Variants in SNX30 observed in about 807,000 individuals in gnomAD.
The protein encoded by SNX30 is sorting nexin-30.
SNX30 carries 24 observed loss-of-function variants against 46.4 expected under a neutral mutation model. That is an observed-to-expected ratio of 0.52 (90% CI 0.37 to 0.73). SNX30 has a LOEUF of 0.73. Among genes scored for constraint, SNX30 ranks in the 30% least tolerant of loss-of-function variants. The pLI is 0.00. For missense variants in SNX30, 533 were observed against 555.7 expected, an observed-to-expected ratio of 0.96 and a Z score of 0.41; for synonymous variants, 189 against 211.5, an observed-to-expected ratio of 0.89 and a Z score of 0.92.
chr9:112,809,060 A>ATT (rs1840275263), intron 2 of SNX30, among the ~76,000 whole-genome samples: 1 of 151,244 alleles, frequency 6.6e-6, no homozygotes, highest in Non-Finnish European at 1.5e-5. Flanking sequence ...ATAAATATTA[A>ATT]TAATCTTGCC....
At chr9:112,884,280 C>T (rs528170977), downstream of SNX30, among the ~76,000 whole-genome samples, 131 of 152,314 alleles carry the variant, frequency 8.6e-4, no homozygotes, top group African/African-American at 3.0e-3. Flanking sequence ...CAGCCTCTGC[C>T]CTCTGAGTCC....
Position 112,804,931 on chromosome 9 carries a change from A to G in SNX30, c.312A>G (p.Thr104=), listed in dbSNP as rs1453178192. ...IVDDPKKHVC[T]METYITYRIT... The stretch of plus-strand genomic sequence containing the variant: ...ATGATCCCAAGAAGCATGTGTGTAC[A>G]ATGGAGACTTACATCACCTATAGGA... The change falls in exon 2 of 9, where the codon ACA becomes ACG. Residue 104 remains threonine (T), a synonymous_variant. Coordinates refer to ENST00000374232, the MANE Select transcript of SNX30 (RefSeq NM_001012994.2). 1.2e-6 allele frequency: 2 copies of G among 1,612,584 alleles called. No homozygotes were observed. The highest frequency in any genetic ancestry group is 1.7e-6 in the Non-Finnish European group (2 of 1,179,066).
intron 1 of SNX30, among the ~76,000 whole-genome samples, chr9:112,797,395 T>C (rs1416686734): frequency 6.6e-6 from 1 of 152,210 alleles, no homozygotes; most frequent in Non-Finnish European, 1.5e-5. Context: ...AACCTGCAGG[T>C]ACCAGCTTCA....
chr9:112,750,918 G>T lies in SNX30; in HGVS notation c.-84G>T. The T allele has an allele frequency of 8.9e-7, 1 of 1,129,110 alleles. No individual in the cohort carries two copies. Among genetic ancestry groups the T allele is most frequent in the Non-Finnish European group, 1.1e-6 (1 of 919,310 alleles). 69.9% of individuals were successfully genotyped at this position (1,129,110 alleles called of 1,614,324 possible). A position where few individuals can be genotyped will look rare whatever the true frequency, so the allele number is the denominator to read the frequency against. ...CCTCGGGTTAAGCGGCGGCCGAGCG[G>T]GGCTCGGCCCGGGGTGCTCGGGGAG... is the stretch of plus-strand genomic sequence containing the variant. On this transcript the variant is annotated 5_prime_UTR_variant, in exon 1 of 9. Transcript: ENST00000374232.
chr9:112,846,992 C>A (rs1840948369), intron 6 of SNX30, among the ~76,000 whole-genome samples: 1 of 152,158 alleles, frequency 6.6e-6, no homozygotes, highest in Admixed American at 6.5e-5. Context: ...TTTTTTGGGA[C>A]AAATCCAGTG....
chr9:112,807,867 C>T (rs1840255049), intron 2 of SNX30, among the ~76,000 whole-genome samples: 1 of 152,240 alleles, frequency 6.6e-6, no homozygotes, highest in Non-Finnish European at 1.5e-5. Flanking sequence ...TTCTCTTGGG[C>T]TTGATTTCCT....
chr9:112,850,999 T>A, intron 7 of SNX30, 54 bp downstream of exon 7: 1 of 1,405,076 alleles, frequency 7.1e-7, no homozygotes, highest in Non-Finnish European at 1.0e-6. Flanking sequence ...CTGCTGGTGC[T>A]AAGTAAATTC....
At chr9:112,837,434 C>T (rs1008997016) in intron 5 of SNX30, among the ~76,000 whole-genome samples, 48 of 151,776 alleles carry the variant, frequency 3.2e-4, no homozygotes, top group African/African-American at 1.1e-3. Flanking sequence ...CCTAAAATTC[C>T]ATTGTTTATC....
At chr9:112,810,456 A>G (rs1290352021) in intron 2 of SNX30, among the ~76,000 whole-genome samples, 1 of 152,146 alleles carries the variant, frequency 6.6e-6, no homozygotes, top group African/African-American at 2.4e-5. Context: ...GTTCTGGGCC[A>G]TGGAATGGAT....
In SNX30 at chr9:112,881,246, C is replaced by T. The variant is rs927467538; in HGVS notation, n.3825-182C>T. 3.9e-5 allele frequency among the ~76,000 whole-genome samples: 6 copies of T among 152,168 alleles called. 1 individual carries two copies. Among genetic ancestry groups the T allele is most frequent in the Admixed American group, 1.3e-4 (2 of 15,282 alleles). On this transcript the variant is annotated intron_variant and non_coding_transcript_variant, in intron 5 of 5. Transcript: ENST00000604751. ...AGAATCCTCAGGTTCTAAGCTACAGCGCAGCACTTCTTGATGGATGAACAA... is the reference window on the plus strand; with the variant it reads ...AGAATCCTCAGGTTCTAAGCTACAGTGCAGCACTTCTTGATGGATGAACAA...
chr9:112,882,756 T>C (rs967276467), downstream of SNX30, among the ~76,000 whole-genome samples: 12 of 151,804 alleles, frequency 7.9e-5, no homozygotes, highest in Non-Finnish European at 1.3e-4. Context: ...GATCATGAGA[T>C]TGGAAAGACA....
At chr9:112,763,360 CTTTTTTT>C (rs751720343) in intron 1 of SNX30, among the ~76,000 whole-genome samples, 5 of 47,566 alleles carry the variant, frequency 1.1e-4, no homozygotes, top group South Asian at 1.4e-3. Flanking sequence ...GCTATTTAAA[CTTTTTTT>C]TTTTTTTTTT....
intron 7 of SNX30, among the ~76,000 whole-genome samples, chr9:112,859,920 T>G (rs987903784): frequency 2.0e-5 from 3 of 152,038 alleles, no homozygotes; most frequent in Non-Finnish European, 4.4e-5. Context: ...TGAGCATCTT[T>G]TCATGTCCTT....
Position 112,751,261 on chromosome 9 carries a change from C to T in SNX30, c.156+104C>T. 1.6e-6 allele frequency: 2 copies of T among 1,250,172 alleles called. 1 individual carries two copies. The highest frequency in any genetic ancestry group is 4.6e-5 in the South Asian group (2 of 43,372). The allele number at this position is 1,250,172 out of a possible 1,614,324, so 77.4% of individuals were successfully genotyped here. On this transcript the variant is annotated intron_variant, in intron 1 of 8. Transcript: ENST00000374232. The stretch of plus-strand genomic sequence containing the variant: ...GCCTGGGGCCGCGCCCACCCTGCCG[C>T]CCCTTCCCGGGGGACGGGCGTGTCC...
At chr9:112,808,493 G>A (rs1245443678) in intron 2 of SNX30, among the ~76,000 whole-genome samples, 1 of 152,146 alleles carries the variant, frequency 6.6e-6, no homozygotes, top group Non-Finnish European at 1.5e-5. Flanking sequence ...TTTTTTTCTG[G>A]AGACTACAAG....
intron 7 of SNX30, among the ~76,000 whole-genome samples, chr9:112,852,982 T>C (rs1329000619): frequency 6.6e-6 from 1 of 152,166 alleles, no homozygotes; most frequent in Non-Finnish European, 1.5e-5. Context: ...TTAATGTTAA[T>C]TGCATCACAG....
intron 1 of SNX30, among the ~76,000 whole-genome samples, chr9:112,787,963 A>AC (rs1839959123): frequency 6.6e-6 from 1 of 150,938 alleles, no homozygotes; most frequent in Admixed American, 6.6e-5. Context: ...CACCTGGCTA[A>AC]TTTTTTTTTG....
chr9:112,815,362 T>G (rs1414466176), intron 2 of SNX30, among the ~76,000 whole-genome samples: 1 of 150,282 alleles, frequency 6.7e-6, no homozygotes. Context: ...AGTGTAACTT[T>G]TTTTTTTTTT....
chr9:112,751,680 T>TC (rs1193558912), intron 1 of SNX30, among the ~76,000 whole-genome samples: 1 of 151,880 alleles, frequency 6.6e-6, no homozygotes, highest in Non-Finnish European at 1.5e-5. Flanking sequence ...TCCTGAGGAG[T>TC]CACCTGACTC....
Sources: gnomAD v4.1 joint callset for allele counts (sites outside exome capture counted in the v4.1 genomes callset) on GRCh38, gnomAD v4.1.1 for gene constraint, MANE v1.5 for transcripts, NCBI Gene and HGNC (gene_info 2026-07-23, HGNC 2026-07-21) for gene names.